The following RELN variants were observed in gnomAD, a reference collection of about 807,000 sequenced individuals.
RELN encodes reelin.
RELN carries 108 observed loss-of-function variants against 427.6 expected under a neutral mutation model. That is an observed-to-expected ratio of 0.25 (90% CI 0.22 to 0.30). The LOEUF (loss-of-function observed/expected upper bound fraction) is 0.30. Among genes scored for constraint, RELN ranks in the 10% least tolerant of loss-of-function variants. The probability of loss-of-function intolerance (pLI) is 1.00; values close to 1 mark genes in which losing one functional copy is unlikely to be tolerated. For synonymous variants in RELN, 1,524 were observed against 1,513.4 expected, an observed-to-expected ratio of 1.01 and a Z score of -0.16; for missense variants, 3,715 against 4,302.8, an observed-to-expected ratio of 0.86 and a Z score of 3.82.
chr7:103,493,843 C>T (rs536205211), intron 57 of RELN, among the ~76,000 whole-genome samples: 51 of 152,190 alleles, frequency 3.4e-4, no homozygotes, highest in African/African-American at 1.2e-3. Flanking sequence ...ATATTGGGTA[C>T]GGTAAGTCTC....
rs1795500299 is a variant in RELN, at chr7:103,917,120, C to G, written c.292G>C (p.Val98Leu). 6.2e-7 allele frequency: 1 copy of G among 1,613,540 alleles called. No homozygotes were observed. The highest frequency in any genetic ancestry group is 8.5e-7 in the Non-Finnish European group (1 of 1,179,720). The stretch of plus-strand genomic sequence containing the variant: ...CCTCCAATGCTCTGTGATGCCTGAA[C>G]ACTTGTAGATGTGTATAGTCCTGTC... Reference protein sequence around the residue: ...LVTGLYTSTSVQASQSIGGSS... With the variant: ...LVTGLYTSTSLQASQSIGGSS... Residue 98 changes from valine (V) to leucine (L), a missense_variant, in exon 2 of 65, where the codon GTT becomes CTT. By Grantham distance (32) the Val-to-Leu change is conservative. This residue lies in a region of RELN where 2,208 missense variants were observed against 2,361.7 expected (regional missense o/e 0.93). Coordinates refer to ENST00000428762, the MANE Select transcript of RELN (RefSeq NM_005045.4).
At chr7:103,950,593 T>A (rs1796312240) in intron 1 of RELN, among the ~76,000 whole-genome samples, 1 of 152,188 alleles carries the variant, frequency 6.6e-6, no homozygotes, top group African/African-American at 2.4e-5. Context: ...ACTTCAAGCA[T>A]CAAATATTAC....
intron 2 of RELN, among the ~76,000 whole-genome samples, chr7:103,836,214 C>T (rs1186132116): frequency 6.6e-6 from 1 of 152,130 alleles, no homozygotes; most frequent in Non-Finnish European, 1.5e-5. Context: ...CCCACCTTGG[C>T]CTCCCAAAAT....
intron 25 of RELN, 27 bp downstream of exon 25, chr7:103,596,429 T>C (rs770112980): frequency 2.4e-5 from 38 of 1,577,740 alleles, no homozygotes; most frequent in African/African-American, 2.0e-4. Context: ...TGGAAACTAA[T>C]GCGAGGACCA....
In RELN at chr7:103,989,326, A is replaced by C. The variant is rs1258431125; in HGVS notation, c.31T>G (p.Phe11Val). Reference sequence around the variant, plus strand: ...GCCCCCAGCAACAGCGCTAGGAGGAAAGTCTGCCGGGCCCAGCCACTGCGC... The same window carrying C: ...GCCCCCAGCAACAGCGCTAGGAGGACAGTCTGCCGGGCCCAGCCACTGCGC... MERSGWARQT[F>V]LLALLLGATL... Residue 11 changes from phenylalanine (F) to valine (V), a missense_variant, in exon 1 of 65, where the codon TTC (phenylalanine) becomes GTC (valine). Phe to Val is a conservative substitution (Grantham distance 50, BLOSUM62 -1). Transcript: ENST00000428762. The surrounding 1 kb of genome is among the most constrained non-coding windows in gnomAD (Gnocchi z 4.9). The C allele has an allele frequency of 6.3e-7, 1 of 1,582,294 alleles. No homozygotes were observed. Among genetic ancestry groups the C allele is most frequent in the East Asian group, 2.3e-5 (1 of 43,094 alleles).
rs746183826 is a variant in RELN, at chr7:103,620,738, T to C, written c.2703-8935A>G. 1.7e-4 allele frequency among the ~76,000 whole-genome samples: 26 copies of C among 152,174 alleles called. No homozygotes were observed. The highest frequency in any genetic ancestry group is 5.8e-4 in the African/African-American group (24 of 41,438). On this transcript the variant is annotated intron_variant, in intron 20 of 64. Transcript: ENST00000428762. This position sits in a 1 kb window ranked among gnomAD's most constrained non-coding sequence, Gnocchi z 4.1. ...ATCTGCCCGCCTCAGCCTCCCAAAG[T>C]GCTGGGATTACAGGTGTGAGCCACC...
chr7:103,640,662 A>G lies in RELN; in HGVS notation c.2003-53T>C. ...TACAAAAACATAGAACACTACCAGT[A>G]CAATTTTGTGAAGTAATACTCATGA... is the stretch of plus-strand genomic sequence containing the variant. On this transcript the variant is annotated intron_variant, in intron 16 of 64. Coordinates refer to ENST00000428762, the MANE Select transcript of RELN (RefSeq NM_005045.4). The surrounding 1 kb of genome is among the most constrained non-coding windows in gnomAD (Gnocchi z 4.1). The G allele has an allele frequency of 6.3e-7, 1 of 1,582,004 alleles. No individual in the cohort carries two copies. Among genetic ancestry groups the G allele is most frequent in the South Asian group, 1.1e-5 (1 of 89,452 alleles).
rs578102247 is a variant in RELN at position 103,804,501 on chromosome 7, C to T, written c.474-27874G>A. ...TTCTTACTGTGTGGCAGCGACAATG[C>T]ATATATTAGCTATGTAAATGGAAAA... On this transcript the variant is annotated intron_variant, in intron 3 of 64. Coordinates refer to ENST00000428762, the MANE Select transcript of RELN (RefSeq NM_005045.4). Among the ~76,000 whole-genome samples, 76 of 151,896 alleles carry T rather than the reference C, an allele frequency of 5.0e-4. 1 individual carries two copies. The highest frequency in any genetic ancestry group is 1.9e-3 in the Admixed American group (29 of 15,266).
At chr7:103,868,588 G>C (rs1794255488) in intron 2 of RELN, among the ~76,000 whole-genome samples, 1 of 151,948 alleles carries the variant, frequency 6.6e-6, no homozygotes, top group African/African-American at 2.4e-5. Flanking sequence ...TCCATAATCA[G>C]ACAGGACTAA....
chr7:103,645,350 A>C (rs1266203658), intron 16 of RELN, among the ~76,000 whole-genome samples: 1 of 151,848 alleles, frequency 6.6e-6, no homozygotes, highest in African/African-American at 2.4e-5. Context: ...ATGGATTAAA[A>C]AACACAATCC....
chr7:103,658,650 T>A (rs1047055605), intron 12 of RELN, among the ~76,000 whole-genome samples: 1 of 152,054 alleles, frequency 6.6e-6, no homozygotes, highest in Admixed American at 6.6e-5. Flanking sequence ...TCTCTACTGA[T>A]AAAACTCTTG....
chr7:103,938,943 CTT>C (rs142139940), intron 1 of RELN, among the ~76,000 whole-genome samples: 2 of 146,566 alleles, frequency 1.4e-5, no homozygotes, highest in African/African-American at 2.5e-5. Context: ...GTTTTATAAG[CTT>C]TTTTTTTTTT....
intron 6 of RELN, among the ~76,000 whole-genome samples, chr7:103,732,283 A>G (rs1790373597): frequency 6.6e-6 from 1 of 152,114 alleles, no homozygotes; most frequent in Admixed American, 6.6e-5. Context: ...CAGATTGCCC[A>G]TGGGCTAGTT....
intron 16 of RELN, among the ~76,000 whole-genome samples, chr7:103,641,920 T>C (rs893600015): frequency 3.9e-5 from 6 of 152,106 alleles, no homozygotes; most frequent in Non-Finnish European, 5.9e-5. Context: ...CATGTCATAG[T>C]TCAAAAAGCC....
chr7:103,735,602 A>T (rs1790471784), intron 6 of RELN, among the ~76,000 whole-genome samples: 1 of 152,084 alleles, frequency 6.6e-6, no homozygotes, highest in Non-Finnish European at 1.5e-5. Flanking sequence ...AAATAACTGA[A>T]ATATTGTTTT....
intron 19 of RELN, among the ~76,000 whole-genome samples, chr7:103,631,686 A>G (rs1026487841): frequency 2.0e-5 from 3 of 152,164 alleles, no homozygotes; most frequent in African/African-American, 2.4e-5. Flanking sequence ...ATCAGTGTAA[A>G]TTTATTAGAA....
chr7:103,773,263 CT>C (rs1791638240), intron 4 of RELN, among the ~76,000 whole-genome samples: 1 of 138,300 alleles, frequency 7.2e-6, no homozygotes, highest in Non-Finnish European at 1.6e-5. Flanking sequence ...CTCCCTCCCT[CT>C]CTCCCTGTCT....
At chr7:103,943,809 C>T (rs1796162763) in intron 1 of RELN, among the ~76,000 whole-genome samples, 1 of 134,918 alleles carries the variant, frequency 7.4e-6, no homozygotes, top group South Asian at 2.3e-4. Flanking sequence ...GATTATGCCA[C>T]TGCACTCCAG....
intron 16 of RELN, among the ~76,000 whole-genome samples, chr7:103,643,720 G>A (rs866043455): frequency 3.9e-5 from 6 of 151,918 alleles, no homozygotes; most frequent in Non-Finnish European, 2.9e-5. Context: ...TTATAAGCCA[G>A]AAGAGATTGG....
Sources: allele counts gnomAD v4.1 joint callset (sites outside exome capture counted in the v4.1 genomes callset), GRCh38; gene constraint gnomAD v4.1.1; regional missense constraint gnomAD v4.1.1; non-coding constraint Gnocchi (gnomAD v3.1); transcripts MANE v1.5; gene names NCBI Gene and HGNC (gene_info 2026-07-23, HGNC 2026-07-21).